OPCML: variants seen among roughly 807,000 people sequenced by gnomAD.
OPCML encodes opioid binding protein/cell adhesion molecule like, also known as opioid-binding protein/cell adhesion molecule.
In OPCML, 13 loss-of-function variants were observed where a neutral mutation model predicts 37.8. The observed-to-expected ratio is 0.34, with a 90% confidence interval of 0.22 to 0.55. OPCML has a LOEUF of 0.55. Among genes scored for constraint, OPCML ranks in the 20% least tolerant of loss-of-function variants. The pLI is 0.91. For synonymous variants in OPCML, 176 were observed against 168.8 expected (o/e 1.04, Z -0.33); for missense variants, 341 against 435.6 (o/e 0.78, Z 1.93).
intron 3 of OPCML, among the ~76,000 whole-genome samples, chr11:132,580,753 C>G (rs931051315): frequency 5.9e-5 from 9 of 152,190 alleles, no homozygotes; most frequent in Non-Finnish European, 2.9e-5. Context: ...TCCTACCTCC[C>G]TTTACTCACT....
At position 133,031,554 on chromosome 11, in the gene OPCML, G is replaced by A. The variant is rs533617524; in HGVS notation, c.62-88544C>T. ...GGATGGTTGGATGGATGGATGGATG[G>A]TTGGTGGATGGATGGGTAGATGGGT... On this transcript the variant is annotated intron_variant, in intron 1 of 7. Coordinates refer to ENST00000524381, the MANE Select transcript of OPCML (RefSeq NM_001012393.5). 2.0e-5 allele frequency among the ~76,000 whole-genome samples: 3 copies of A among 150,956 alleles called. No homozygotes were observed. The East Asian group carries it at 6.0e-4, about 30-fold the overall frequency.
intron 2 of OPCML, among the ~76,000 whole-genome samples, chr11:132,705,669 C>T (rs1944003405): frequency 6.6e-6 from 1 of 152,140 alleles, no homozygotes; most frequent in Non-Finnish European, 1.5e-5. Context: ...GTGTGACATG[C>T]AAGCTCCCAC....
intron 1 of OPCML, among the ~76,000 whole-genome samples, chr11:133,423,650 T>C (rs1285441636): frequency 6.6e-6 from 1 of 152,174 alleles, no homozygotes. Flanking sequence ...CTCAGTGTTA[T>C]TTGTGGTGCA....
chr11:132,616,113 A>C (rs1426754944), intron 3 of OPCML, among the ~76,000 whole-genome samples: 1 of 152,208 alleles, frequency 6.6e-6, no homozygotes, highest in Non-Finnish European at 1.5e-5. Flanking sequence ...ATGCTCAATA[A>C]AAACTTTTTT....
chr11:132,842,046 T>A (rs1309564250), intron 2 of OPCML, among the ~76,000 whole-genome samples: 2 of 152,028 alleles, frequency 1.3e-5, no homozygotes, highest in Non-Finnish European at 2.9e-5. Context: ...AGGGGAAAGT[T>A]CAGAAGCCAT....
chr11:133,213,549 T>C (rs1307614673), intron 1 of OPCML, among the ~76,000 whole-genome samples: 1 of 152,202 alleles, frequency 6.6e-6, no homozygotes, highest in Admixed American at 6.5e-5. Flanking sequence ...AGTTTTGATT[T>C]TAGAGTTTTT....
At chr11:133,203,092 A>G (rs1757956675) in intron 1 of OPCML, among the ~76,000 whole-genome samples, 1 of 152,220 alleles carries the variant, frequency 6.6e-6, no homozygotes, top group Admixed American at 6.5e-5. Context: ...AGGTTCAGAG[A>G]GATGATAAGT....
intron 2 of OPCML, among the ~76,000 whole-genome samples, chr11:132,705,828 G>A (rs560336016): frequency 8.2e-4 from 124 of 151,802 alleles, no homozygotes; most frequent in Non-Finnish European, 1.5e-3. Context: ...TTTCTTTTTC[G>A]AGACAGTCTC....
At chr11:133,021,502 A>G (rs576583248) in intron 1 of OPCML, among the ~76,000 whole-genome samples, 4 of 152,196 alleles carry the variant, frequency 2.6e-5, no homozygotes, top group African/African-American at 9.6e-5. Context: ...GGCTTTCTCA[A>G]CGGCAATGAG....
intron 2 of OPCML, among the ~76,000 whole-genome samples, chr11:132,781,954 ATTTT>A (rs10717332): frequency 1.7e-4 from 18 of 107,778 alleles, no homozygotes; most frequent in East Asian, 5.0e-4. Flanking sequence ...ATATATATAT[ATTTT>A]TTTTTTTTTT....
At chr11:133,506,992 A>T (rs1948046088) in intron 1 of OPCML, among the ~76,000 whole-genome samples, 1 of 150,676 alleles carries the variant, frequency 6.6e-6, no homozygotes, top group African/African-American at 2.5e-5. Flanking sequence ...GACTGCTCTG[A>T]TATATTTTTT....
In OPCML at chr11:132,460,217, C is replaced by CTT. The variant is rs373091565; in HGVS notation, c.506-22860_506-22859dup. Among the ~76,000 whole-genome samples, 539 of 145,284 alleles carry CTT rather than the reference C, an allele frequency of 3.7e-3. 8 individuals are homozygous for CTT. The highest frequency in any genetic ancestry group is 0.013 in the African/African-American group (521 of 40,194). ...CAAGAATATTCTTAAGTTAAAGTGACTTTTTTTTTTTTTACTGTGAGTTTG... is the reference window on the plus strand; with the variant it reads ...CAAGAATATTCTTAAGTTAAAGTGACTTTTTTTTTTTTTTTACTGTGAGTTTG... On this transcript the variant is annotated intron_variant, in intron 4 of 7. Coordinates refer to ENST00000524381, the MANE Select transcript of OPCML (RefSeq NM_001012393.5).
intron 3 of OPCML, among the ~76,000 whole-genome samples, chr11:132,596,268 C>CA (rs2096492281): frequency 6.6e-6 from 1 of 152,252 alleles, no homozygotes; most frequent in African/African-American, 2.4e-5. Flanking sequence ...GTACCAATTG[C>CA]AAAAATGCCT....
chr11:132,519,560 C>T (rs527980902), intron 4 of OPCML, among the ~76,000 whole-genome samples: 2 of 152,058 alleles, frequency 1.3e-5, no homozygotes, highest in Admixed American at 6.5e-5. Context: ...CATGCCAAAG[C>T]GAAAATGTAC....
At chr11:133,067,361 G>A (rs961314476) in intron 1 of OPCML, 7 of 152,194 alleles carry the variant, frequency 4.6e-5, no homozygotes, top group Non-Finnish European at 8.8e-5. Flanking sequence ...TCTTCAATAT[G>A]AAAGCAGCCA....
At chr11:132,860,941 G>T (rs1432580667) in intron 2 of OPCML, among the ~76,000 whole-genome samples, 1 of 152,160 alleles carries the variant, frequency 6.6e-6, no homozygotes, top group Non-Finnish European at 1.5e-5. Flanking sequence ...TAACAAAAAA[G>T]ATTTAAGTGC....
intron 3 of OPCML, among the ~76,000 whole-genome samples, chr11:132,643,904 C>T (rs1338046382): frequency 1.3e-5 from 2 of 152,186 alleles, no homozygotes; most frequent in Non-Finnish European, 2.9e-5. Flanking sequence ...TGACTGCAAA[C>T]TTTGTGTCTG....
intron 1 of OPCML, among the ~76,000 whole-genome samples, chr11:133,172,151 T>TA (rs1268831983): frequency 6.6e-6 from 1 of 152,176 alleles, no homozygotes; most frequent in Non-Finnish European, 1.5e-5. Flanking sequence ...ACTTTGAAGA[T>TA]AGACTCATTC....
intron 2 of OPCML, among the ~76,000 whole-genome samples, chr11:132,866,105 A>G (rs887354401): frequency 2.0e-5 from 3 of 152,184 alleles, no homozygotes; most frequent in Non-Finnish European, 4.4e-5. Flanking sequence ...ATGATTGCAC[A>G]TAAAAAGCAA....
Sources: allele counts gnomAD v4.1 joint callset (sites outside exome capture counted in the v4.1 genomes callset), GRCh38; gene constraint gnomAD v4.1.1; transcripts MANE v1.5; gene names NCBI Gene and HGNC (gene_info 2026-07-23, HGNC 2026-07-21).